The following NUMB variants were observed in gnomAD, a reference collection of about 807,000 sequenced individuals.
NUMB encodes the protein NUMB endocytic adaptor protein.
A neutral mutation model predicts 59.7 loss-of-function variants in NUMB; 29 were observed. The ratio of observed to expected loss-of-function variants is 0.49; its 90% confidence interval spans 0.36 to 0.66. The LOEUF is 0.66. NUMB is among the 30% of genes least tolerant of loss of function. NUMB has a pLI of 0.00. For missense variants in NUMB, 723 were observed against 822.0 expected (o/e 0.88, Z 1.47); for synonymous variants, 288 against 288.2 (o/e 1.00, Z 0.01).
intron 2 of NUMB, among the ~76,000 whole-genome samples, chr14:73,405,232 T>C (rs1024236275): frequency 6.6e-6 from 1 of 152,044 alleles, no homozygotes; most frequent in Non-Finnish European, 1.5e-5. Context: ...ATTCCAACTA[T>C]CCCCAAACTA....
At chr14:73,365,373 C>T (rs746195357) in intron 3 of NUMB, among the ~76,000 whole-genome samples, 4 of 151,876 alleles carry the variant, frequency 2.6e-5, no homozygotes, top group African/African-American at 7.3e-5. Context: ...AAAGAGAAAG[C>T]GAATTTACTG....
intron 1 of NUMB, among the ~76,000 whole-genome samples, chr14:73,421,826 T>C (rs1332931491): frequency 1.3e-5 from 2 of 152,142 alleles, no homozygotes; most frequent in Non-Finnish European, 2.9e-5. Flanking sequence ...TGTGTCTAAA[T>C]GTAAAACAGA....
At chr14:73,427,997 GTTGA>G (rs1310890477) in intron 1 of NUMB, among the ~76,000 whole-genome samples, 1 of 152,088 alleles carries the variant, frequency 6.6e-6, no homozygotes, top group Non-Finnish European at 1.5e-5. Context: ...AACTAACTTT[GTTGA>G]GTGGGCCTAA....
chr14:73,439,086 C>T (rs886276993), intron 1 of NUMB, among the ~76,000 whole-genome samples: 1 of 152,140 alleles, frequency 6.6e-6, no homozygotes, highest in Non-Finnish European at 1.5e-5. Flanking sequence ...CATGTTTAAT[C>T]CAAACTGGGG....
intron 2 of NUMB, among the ~76,000 whole-genome samples, chr14:73,376,141 C>A (rs1894934000): frequency 2.6e-5 from 4 of 152,020 alleles, no homozygotes; most frequent in African/African-American, 7.2e-5. Context: ...CAAGACTTCC[C>A]ATGTAGAAAA....
chr14:73,315,405 A>G (rs552068623), intron 6 of NUMB, among the ~76,000 whole-genome samples: 1 of 152,296 alleles, frequency 6.6e-6, no homozygotes, highest in Non-Finnish European at 1.5e-5. Context: ...AAACTTGGAC[A>G]CAAAATATAT....
intron 1 of NUMB, among the ~76,000 whole-genome samples, chr14:73,421,165 T>G (rs1475349246): frequency 1.3e-5 from 2 of 151,806 alleles, no homozygotes; most frequent in East Asian, 1.9e-4. Context: ...AAAGGAAAGT[T>G]TTTTTTTGGT....
intron 1 of NUMB, among the ~76,000 whole-genome samples, chr14:73,429,804 G>A (rs560426517): frequency 1.3e-5 from 2 of 152,202 alleles, no homozygotes; most frequent in African/African-American, 4.8e-5. Context: ...TTAGCTGGAT[G>A]TGGTGGCACA....
chr14:73,446,188 A>G (rs543437093), intron 1 of NUMB, among the ~76,000 whole-genome samples: 1 of 151,882 alleles, frequency 6.6e-6, no homozygotes, highest in Non-Finnish European at 1.5e-5. Flanking sequence ...GTAGAGATGA[A>G]GTTTCACTGT....
chr14:73,456,528 A>G (rs1439028744), intron 1 of NUMB, among the ~76,000 whole-genome samples: 2 of 152,268 alleles, frequency 1.3e-5, no homozygotes, highest in African/African-American at 4.8e-5. Context: ...TCCCAAAACA[A>G]TACTTTTCCT....
chr14:73,367,348 T>TATATATATATATATAGAGAGAGAG (rs1555375287), intron 2 of NUMB, among the ~76,000 whole-genome samples: 7 of 105,302 alleles, frequency 6.6e-5, no homozygotes, highest in African/African-American at 3.0e-4. Flanking sequence ...TATATATATA[T>TATATATATATATATAGAGAGAGAG]AGAGAGAGAG....
chr14:73,345,138 T>C (rs1466530837), intron 4 of NUMB, among the ~76,000 whole-genome samples: 1 of 152,202 alleles, frequency 6.6e-6, no homozygotes, highest in African/African-American at 2.4e-5. Context: ...AAATGTGGTA[T>C]GTATATACCA....
chr14:73,357,088 G>A, intron 3 of NUMB: 1 of 793,110 alleles, frequency 1.3e-6, no homozygotes, highest in Non-Finnish European at 1.5e-6. Flanking sequence ...AAAGGTACAA[G>A]TTTCATTATC....
intron 1 of NUMB, among the ~76,000 whole-genome samples, chr14:73,455,080 T>C (rs1884257986): frequency 6.6e-6 from 1 of 152,216 alleles, no homozygotes; most frequent in African/African-American, 2.4e-5. Flanking sequence ...AATGGTTATA[T>C]GCCTTGCAGT....
chr14:73,354,679 T>C (rs534054510), intron 4 of NUMB, among the ~76,000 whole-genome samples: 62 of 151,040 alleles, frequency 4.1e-4, no homozygotes, highest in Admixed American at 1.2e-3. Flanking sequence ...AATACAAAAA[T>C]TAGCCGGGCA....
At chr14:73,438,747 G>A (rs531434500) in intron 1 of NUMB, among the ~76,000 whole-genome samples, 5 of 151,414 alleles carry the variant, frequency 3.3e-5, no homozygotes, top group South Asian at 2.1e-4. Flanking sequence ...AAATATGCAC[G>A]AAGAAAAAAC....
At chr14:73,328,008 C>T (rs961994890) in intron 4 of NUMB, among the ~76,000 whole-genome samples, 1 of 152,184 alleles carries the variant, frequency 6.6e-6, no homozygotes, top group African/African-American at 2.4e-5. Context: ...GGCGTGGTGG[C>T]TCACGCCTGT....
intron 2 of NUMB, among the ~76,000 whole-genome samples, chr14:73,374,076 G>A (rs1249525047): frequency 1.3e-5 from 2 of 152,006 alleles, no homozygotes; most frequent in African/African-American, 4.8e-5. Context: ...ACCATTGTTG[G>A]TCAGGCTGGT....
intron 4 of NUMB, among the ~76,000 whole-genome samples, chr14:73,341,752 A>C (rs1005522714): frequency 6.6e-6 from 1 of 152,194 alleles, no homozygotes; most frequent in Non-Finnish European, 1.5e-5. Flanking sequence ...TGATTAAAAA[A>C]TATTTTAAAG....
Sources: allele counts gnomAD v4.1 joint callset (sites outside exome capture counted in the v4.1 genomes callset), GRCh38; gene constraint gnomAD v4.1.1; transcripts MANE v1.5; gene names NCBI Gene and HGNC (gene_info 2026-07-23, HGNC 2026-07-21).